The following SORL1 variants were observed in gnomAD, a reference collection of about 807,000 sequenced individuals.
The protein encoded by SORL1 is sortilin-related receptor.
A neutral mutation model predicts 273.7 loss-of-function variants in SORL1; 127 were observed. The ratio of observed to expected loss-of-function variants is 0.46; its 90% CI spans 0.40 to 0.54. The LOEUF (loss-of-function observed/expected upper bound fraction) is 0.54, where lower values mean the gene tolerates loss of function less well. SORL1 is among the 20% of genes least tolerant of loss of function. SORL1 has a pLI of 0.00. For synonymous variants in SORL1, 1,031 were observed against 1,067.4 expected, an observed-to-expected ratio of 0.97 and a Z score of 0.66; for missense variants, 2,494 against 2,846.1, an observed-to-expected ratio of 0.88 and a Z score of 2.81.
chr11:121,589,956 G>A, intron 29 of SORL1, 84 bp from the exon 30 acceptor site: 5 of 1,533,148 alleles, frequency 3.3e-6, no homozygotes, highest in Non-Finnish European at 3.6e-6. Context: ...TGGAACTTGG[G>A]TCTGGAGGAG....
At position 121,595,894 on chromosome 11, in the gene SORL1, C is replaced by G; in HGVS notation, c.4519+122C>G. On this transcript the variant is annotated intron_variant, in intron 32 of 47. Transcript: ENST00000260197. The surrounding 1 kb of genome is among the most constrained non-coding windows in gnomAD (Gnocchi z 5.1). Reference sequence around the variant, plus strand: ...GTGTGAGTCTGTGTACTTGCGTAACCATGCTCTTACTGCATTCTCCACAAG... The same window carrying G: ...GTGTGAGTCTGTGTACTTGCGTAACGATGCTCTTACTGCATTCTCCACAAG... 9.5e-7 allele frequency: 1 copy of G among 1,049,440 alleles called. No homozygotes were observed. Among genetic ancestry groups the G allele is most frequent in the Non-Finnish European group, 1.3e-6 (1 of 743,064 alleles). 65.0% of individuals were successfully genotyped at this position (1,049,440 alleles called of 1,614,324 possible). A position where few individuals can be genotyped will look rare whatever the true frequency, so the allele number is the denominator to read the frequency against.
rs1379572783 is a variant in SORL1, at chr11:121,542,254, C to G, written c.1686-1294C>G. 3.9e-5 allele frequency among the ~76,000 whole-genome samples: 6 copies of G among 152,194 alleles called. No homozygotes were observed. The East Asian group carries it at 1.2e-3, about 29-fold the overall frequency. On this transcript the variant is annotated intron_variant, in intron 12 of 47. Coordinates refer to ENST00000260197, the MANE Select transcript of SORL1 (RefSeq NM_003105.6). ...ACATGAACTCGGTATGACTTATAGA[C>G]TATATTTTCTCAGTTGTCTCAAATT...
At position 121,496,941 on chromosome 11, in the gene SORL1, C is replaced by T. The variant is rs936723086; in HGVS notation, c.831C>T (p.Val277=). ...ERHEPSGYST[V]FRSTDFFQSR... ...ATGAACCCTCTGGCTACTCCACTGT[C>T]TTCCGAAGTACAGATTTCTTCCAGT... is the stretch of plus-strand genomic sequence containing the variant. The change falls in exon 6 of 48, where the codon GTC becomes GTT. Residue 277 remains valine, a synonymous_variant. Coordinates refer to ENST00000260197, the MANE Select transcript of SORL1 (RefSeq NM_003105.6). 1.9e-6 allele frequency: 3 copies of T among 1,613,904 alleles called. No homozygotes were observed. Among genetic ancestry groups the T allele is most frequent in the Non-Finnish European group, 2.5e-6 (3 of 1,179,932 alleles).
chr11:121,578,111 T>C (rs1348996745), intron 25 of SORL1, among the ~76,000 whole-genome samples: 1 of 152,192 alleles, frequency 6.6e-6, no homozygotes, highest in Non-Finnish European at 1.5e-5. Flanking sequence ...TAAGGAATTT[T>C]TGTTCCAGAT....
In SORL1 at chr11:121,595,103, T is replaced by C. The variant is rs559513836; in HGVS notation, c.4370-520T>C. Among the ~76,000 whole-genome samples the C allele has an allele frequency of 5.0e-4, 76 of 152,222 alleles. 1 individual carries two copies. Among genetic ancestry groups the C allele is most frequent in the Admixed American group, 9.8e-4 (15 of 15,286 alleles). ...CAAATAACAACCCTCCATTCTTCTA[T>C]TGGGGTGACGTATGGGTTGGTTGCC... On this transcript the variant is annotated intron_variant, in intron 31 of 47. Transcript: ENST00000260197. This position sits in a 1 kb window ranked among gnomAD's most constrained non-coding sequence, Gnocchi z 5.1.
chr11:121,475,351 A>G (rs1364090027), intron 2 of SORL1, among the ~76,000 whole-genome samples: 1 of 152,216 alleles, frequency 6.6e-6, no homozygotes, highest in African/African-American at 2.4e-5. Flanking sequence ...CAAGGGAAGG[A>G]AAGTTGATGA....
At position 121,514,340 on chromosome 11, in the gene SORL1, C is replaced by T; in HGVS notation, c.1211+19C>T. 1 of 1,598,554 alleles carries T rather than the reference C, an allele frequency of 6.3e-7. No individual in the cohort carries two copies. Among genetic ancestry groups the T allele is most frequent in the Non-Finnish European group, 8.5e-7 (1 of 1,173,026 alleles). On this transcript the variant is annotated intron_variant, in intron 8 of 47. Coordinates refer to ENST00000260197, the MANE Select transcript of SORL1 (RefSeq NM_003105.6). ...TGGTGAGGTAAGGAGACTGTGAGTC[C>T]TTCTCCTGCCTTCTTAGGCCAACAC...
chr11:121,610,343 T>C (rs1343621412), intron 38 of SORL1: 1 of 152,254 alleles, frequency 6.6e-6, no homozygotes, highest in Non-Finnish European at 1.5e-5. Flanking sequence ...AGGGGTCTTT[T>C]CCTTGGCCAC....
chr11:121,482,378 G>A (rs181249413), intron 3 of SORL1, among the ~76,000 whole-genome samples: 103 of 152,346 alleles, frequency 6.8e-4, no homozygotes, highest in Non-Finnish European at 1.2e-3. Flanking sequence ...TTTGGAGTTG[G>A]TGGGGTTGGA....
At chr11:121,523,797 G>A (rs897676299) in intron 11 of SORL1, among the ~76,000 whole-genome samples, 3 of 152,158 alleles carry the variant, frequency 2.0e-5, no homozygotes, top group African/African-American at 7.2e-5. Flanking sequence ...CGCAGGCTGG[G>A]CAGCCGGAAC....
At chr11:121,557,288 G>C in intron 18 of SORL1, 26 bp from the exon 19 acceptor site, 1 of 1,560,632 alleles carries the variant, frequency 6.4e-7, no homozygotes, top group African/African-American at 1.4e-5. Context: ...ATCCATCTCA[G>C]CCTCTTTTCC....
intron 16 of SORL1, among the ~76,000 whole-genome samples, chr11:121,553,570 TGAG>T (rs1862535590): frequency 6.6e-6 from 1 of 152,146 alleles, no homozygotes; most frequent in African/African-American, 2.4e-5. Flanking sequence ...TACAGTCACG[TGAG>T]GAGGGAGAAC....
chr11:121,528,652 T>C (rs1424128358), intron 11 of SORL1, among the ~76,000 whole-genome samples: 1 of 152,204 alleles, frequency 6.6e-6, no homozygotes, highest in Non-Finnish European at 1.5e-5. Flanking sequence ...AAAGTGTTAT[T>C]TAATTTGCAG....
chr11:121,543,444 C>A, intron 12 of SORL1, 104 bp from the exon 13 acceptor site: 1 of 892,916 alleles, frequency 1.1e-6, no homozygotes, highest in Non-Finnish European at 1.7e-6. Flanking sequence ...TCAGCCATTT[C>A]TCCAAGGAGC....
chr11:121,535,396 G>A (rs1031635554), intron 12 of SORL1, among the ~76,000 whole-genome samples: 3 of 152,208 alleles, frequency 2.0e-5, no homozygotes, highest in African/African-American at 7.2e-5. Flanking sequence ...GACAACTGTC[G>A]AACATCTACA....
intron 45 of SORL1, among the ~76,000 whole-genome samples, chr11:121,623,778 T>C (rs1863756613): frequency 6.6e-6 from 1 of 152,240 alleles, no homozygotes; most frequent in Admixed American, 6.5e-5. Flanking sequence ...ATTTCGTTCC[T>C]AGTGGAGGGT....
At chr11:121,573,598 G>A (rs1314126007) in intron 23 of SORL1, among the ~76,000 whole-genome samples, 5 of 152,174 alleles carry the variant, frequency 3.3e-5, no homozygotes, top group African/African-American at 1.2e-4. Context: ...GGGCAACAGA[G>A]CGAGACTCCA....
intron 11 of SORL1, among the ~76,000 whole-genome samples, chr11:121,527,070 G>A (rs1565325053): frequency 6.6e-6 from 1 of 151,982 alleles, no homozygotes; most frequent in Non-Finnish European, 1.5e-5. Context: ...AGTAGTGAAA[G>A]TGGGCATTCT....
At chr11:121,521,026 C>T (rs1355642939) in intron 9 of SORL1, among the ~76,000 whole-genome samples, 177 bp downstream of exon 9, 1 of 151,260 alleles carries the variant, frequency 6.6e-6, no homozygotes, top group Non-Finnish European at 1.5e-5. Flanking sequence ...AAACTCTGCT[C>T]CAAGGTCTTG....
Sources: gnomAD v4.1 joint callset for allele counts (sites outside exome capture counted in the v4.1 genomes callset) on GRCh38, gnomAD v4.1.1 for gene constraint, Gnocchi (gnomAD v3.1) non-coding constraint, MANE v1.5 for transcripts, NCBI Gene and HGNC (gene_info 2026-07-23, HGNC 2026-07-21) for gene names.